The following CNBD1 variants were observed in gnomAD, a reference collection of about 807,000 sequenced individuals.
CNBD1 encodes cyclic nucleotide-binding domain-containing protein 1.
Under a neutral mutation model 54.4 loss-of-function variants are expected in CNBD1, and 71 were observed. The ratio of observed to expected loss-of-function variants is 1.30; its 90% CI spans 1.08 to 1.59. CNBD1 has a LOEUF of 1.59. CNBD1 is among the 40% of genes most tolerant of loss of function. The probability of loss-of-function intolerance (pLI) is 0.00; values close to 1 mark genes in which losing one functional copy is unlikely to be tolerated. For synonymous variants in CNBD1, 182 were observed against 170.7 expected (o/e 1.07, Z -0.51); for missense variants, 659 against 518.0 (o/e 1.27, Z -2.64).
chr8:87,265,089 G>A (rs1460719539), intron 6 of CNBD1, among the ~76,000 whole-genome samples: 1 of 152,094 alleles, frequency 6.6e-6, no homozygotes, highest in East Asian at 1.9e-4. Context: ...CCTATGTCCT[G>A]AATGGTATTG....
intron 8 of CNBD1, among the ~76,000 whole-genome samples, chr8:87,291,828 T>C (rs922259198): frequency 6.6e-6 from 1 of 152,154 alleles, no homozygotes; most frequent in African/African-American, 2.4e-5. Context: ...TCATAATTAA[T>C]AGCTTAAGGG....
At chr8:87,235,221 G>A (rs891926365) in intron 5 of CNBD1, among the ~76,000 whole-genome samples, 2 of 152,138 alleles carry the variant, frequency 1.3e-5, no homozygotes, top group African/African-American at 4.8e-5. Context: ...GTATAGCAAT[G>A]AGGCTGTTTT....
chr8:87,201,706 G>C (rs1341640874), intron 4 of CNBD1, among the ~76,000 whole-genome samples: 7 of 152,148 alleles, frequency 4.6e-5, no homozygotes, highest in Non-Finnish European at 1.0e-4. Context: ...TGAAGGTAAA[G>C]ACGGTCCAAG....
chr8:87,304,434 A>T (rs934740084), intron 8 of CNBD1, among the ~76,000 whole-genome samples: 1 of 152,026 alleles, frequency 6.6e-6, no homozygotes. Flanking sequence ...GGAATTGAAC[A>T]ATGAGAACAC....
At chr8:87,059,592 G>A (rs182581751) in intron 4 of CNBD1, among the ~76,000 whole-genome samples, 2 of 152,310 alleles carry the variant, frequency 1.3e-5, no homozygotes, top group Admixed American at 1.3e-4. Context: ...GCAAGGAGAA[G>A]TGCAGAGTGA....
intron 4 of CNBD1, among the ~76,000 whole-genome samples, chr8:87,129,085 AAAAAAAG>A (rs1157255800): frequency 1.4e-5 from 2 of 146,514 alleles, no homozygotes; most frequent in Non-Finnish European, 3.0e-5. Context: ...AAAAAAAAAA[AAAAAAAG>A]AATTTTGCTA....
intron 10 of CNBD1, among the ~76,000 whole-genome samples, chr8:87,380,389 A>G (rs1188975750): frequency 2.6e-5 from 4 of 151,924 alleles, no homozygotes; most frequent in Non-Finnish European, 5.9e-5. Flanking sequence ...GATTGTCTTT[A>G]TGCAATACCA....
At chr8:86,939,264 T>G (rs192411434) in intron 3 of CNBD1, among the ~76,000 whole-genome samples, 1 of 152,166 alleles carries the variant, frequency 6.6e-6, no homozygotes, top group Non-Finnish European at 1.5e-5. Flanking sequence ...GTATAAATGA[T>G]GTTAGCCATT....
chr8:87,391,057 C>A, intron 2 of CNBD1, among the ~76,000 whole-genome samples: 1 of 145,868 alleles, frequency 6.9e-6, no homozygotes. Flanking sequence ...CCCATGGACA[C>A]AGGAAGGGGA....
intron 4 of CNBD1, among the ~76,000 whole-genome samples, chr8:87,097,246 T>C (rs1811339470): frequency 6.6e-6 from 1 of 152,174 alleles, no homozygotes; most frequent in South Asian, 2.1e-4. Flanking sequence ...ATTTATATTG[T>C]TTAAAACTAA....
chr8:87,308,164 T>C (rs1028179057), intron 8 of CNBD1, among the ~76,000 whole-genome samples: 2 of 152,134 alleles, frequency 1.3e-5, no homozygotes, highest in African/African-American at 4.8e-5. Context: ...GGAGTTGGGT[T>C]ACATGCACAC....
intron 3 of CNBD1, among the ~76,000 whole-genome samples, chr8:86,918,374 A>AT (rs764755483): frequency 1.5e-3 from 234 of 152,278 alleles, no homozygotes; most frequent in Non-Finnish European, 2.5e-3. Flanking sequence ...ACTGGTTCAT[A>AT]TTACACAGGT....
At chr8:87,288,995 A>T (rs1047674353) in intron 8 of CNBD1, among the ~76,000 whole-genome samples, 9 of 152,116 alleles carry the variant, frequency 5.9e-5, no homozygotes, top group Non-Finnish European at 1.0e-4. Flanking sequence ...GATATATCAA[A>T]GAGAGGAATT....
chr8:87,424,401 T>A lies in CNBD1; in HGVS notation c.214-4145T>A, dbSNP rs1808005769. Among the ~76,000 whole-genome samples, 4 of 152,174 alleles carry A rather than the reference T, an allele frequency of 2.6e-5. No individual in the cohort carries two copies. The South Asian group carries it at 8.3e-4, about 32-fold the overall frequency. ...AATTTTGGATCTTTCCTGCTTTCTC[T>A]TGTGGGCATTTAGTGCTATAAGTTT... On this transcript the variant is annotated intron_variant, in intron 2 of 7. Transcript: ENST00000521593.
intron 4 of CNBD1, among the ~76,000 whole-genome samples, chr8:87,133,751 A>G (rs1319342871): frequency 6.6e-6 from 1 of 151,914 alleles, no homozygotes; most frequent in East Asian, 1.9e-4. Flanking sequence ...TTTTTTATGA[A>G]TGAGCTATAT....
intron 6 of CNBD1, among the ~76,000 whole-genome samples, chr8:87,252,842 G>T (rs1218429208): frequency 6.6e-6 from 1 of 152,130 alleles, no homozygotes; most frequent in Non-Finnish European, 1.5e-5. Flanking sequence ...GGTGGGATGA[G>T]CTGCGTGGCC....
intron 4 of CNBD1, among the ~76,000 whole-genome samples, chr8:87,198,149 C>T (rs1323376372): frequency 1.3e-5 from 2 of 152,174 alleles, no homozygotes; most frequent in Non-Finnish European, 1.5e-5. Context: ...AAAAGCAGAA[C>T]ATTTTTATAT....
At chr8:87,388,205 A>C (rs1811231801) in intron 2 of CNBD1, among the ~76,000 whole-genome samples, 1 of 152,186 alleles carries the variant, frequency 6.6e-6, no homozygotes, top group African/African-American at 2.4e-5. Context: ...TAGAGAAGCA[A>C]GAGAAAACAC....
chr8:87,237,337 G>A (rs919471294), intron 6 of CNBD1: 1 of 341,350 alleles, frequency 2.9e-6, no homozygotes, highest in East Asian at 4.5e-5. Context: ...TTTGTGTGGT[G>A]TATTTGGTAA....
Sources: allele counts gnomAD v4.1 joint callset (sites outside exome capture counted in the v4.1 genomes callset), GRCh38; gene constraint gnomAD v4.1.1; transcripts MANE v1.5; gene names NCBI Gene and HGNC (gene_info 2026-07-23, HGNC 2026-07-21).